The following ATF7IP2 variants were observed in gnomAD, a reference collection of about 807,000 sequenced individuals.
The protein encoded by ATF7IP2 is activating transcription factor 7 interacting protein 2.
Under a neutral mutation model 64.2 loss-of-function variants are expected in ATF7IP2, and 42 were observed. The observed-to-expected ratio is 0.65, with a 90% CI of 0.51 to 0.85. The LOEUF (loss-of-function observed/expected upper bound fraction) is 0.85. ATF7IP2 is among the 40% of genes least tolerant of loss of function. ATF7IP2 has a pLI of 0.00. For synonymous variants in ATF7IP2, 308 were observed against 272.8 expected, an observed-to-expected ratio of 1.13 and a Z score of -1.27; for missense variants, 933 against 784.2, an observed-to-expected ratio of 1.19 and a Z score of -2.27.
intron 1 of ATF7IP2, chr16:10,387,620 AC>A (rs1464791373): frequency 2.6e-5 from 4 of 152,164 alleles, no homozygotes; most frequent in African/African-American, 9.7e-5. Context: ...TGATCCCTGC[AC>A]CTTTGCTTCT....
chr16:10,416,316 G>A (rs1363466692), intron 2 of ATF7IP2, among the ~76,000 whole-genome samples: 1 of 152,188 alleles, frequency 6.6e-6, no homozygotes, highest in African/African-American at 2.4e-5. Context: ...GATGGCTCTA[G>A]AGGTCATTAT....
chr16:10,474,955 G>C (rs983721553), intron 12 of ATF7IP2, among the ~76,000 whole-genome samples: 1 of 152,218 alleles, frequency 6.6e-6, no homozygotes, highest in Non-Finnish European at 1.5e-5. Flanking sequence ...GTCAGGGCAG[G>C]AGGATGGCTT....
At chr16:10,459,571 C>T (rs558800996) in intron 9 of ATF7IP2, among the ~76,000 whole-genome samples, 16 of 151,904 alleles carry the variant, frequency 1.1e-4, no homozygotes, top group South Asian at 1.0e-3. Context: ...TGCTTGAACC[C>T]GGGAGGCAGA....
intron 8 of ATF7IP2, among the ~76,000 whole-genome samples, chr16:10,453,072 C>T (rs2049041601): frequency 6.6e-6 from 1 of 152,186 alleles, no homozygotes; most frequent in African/African-American, 2.4e-5. Flanking sequence ...TGGCTTCAGC[C>T]CCCTTTGCAG....
intron 3 of ATF7IP2, among the ~76,000 whole-genome samples, chr16:10,427,029 T>A (rs933103294): frequency 6.6e-6 from 1 of 152,014 alleles, no homozygotes; most frequent in African/African-American, 2.4e-5. Flanking sequence ...ATTTTTGTAG[T>A]TTTTAGTACA....
chr16:10,480,938 A>G lies in ATF7IP2; in HGVS notation c.1609A>G (p.Thr537Ala), dbSNP rs765871356. The G allele has an allele frequency of 9.3e-6, 15 of 1,611,934 alleles. No homozygotes were observed. The highest frequency in any genetic ancestry group is 1.2e-5 in the Non-Finnish European group (14 of 1,178,280). ...SKAASNSKET[T>A]PLAQNAVQVP... The stretch of plus-strand genomic sequence containing the variant: ...AGCTGCTTCAAACTCAAAGGAAACA[A>G]CCCCATTGGCACAAAATGCAGTCCA... Residue 537 changes from threonine to alanine, a missense_variant, in exon 13 of 14, where the codon ACC (threonine) becomes GCC (alanine). Physicochemically the swap from Thr to Ala is moderately conservative, Grantham distance 58 (BLOSUM62 0). Coordinates refer to ENST00000562102, the MANE Select transcript of ATF7IP2 (RefSeq NM_001393719.1).
intron 1 of ATF7IP2, among the ~76,000 whole-genome samples, chr16:10,389,549 C>A (rs927572154): frequency 6.6e-6 from 1 of 151,556 alleles, no homozygotes; most frequent in African/African-American, 2.4e-5. Flanking sequence ...AACCCACCTC[C>A]AAAAAAAATA....
chr16:10,387,051 A>C (rs1193741887), intron 1 of ATF7IP2: 1 of 152,220 alleles, frequency 6.6e-6, no homozygotes, highest in Admixed American at 6.5e-5. Flanking sequence ...TGAATAGTCC[A>C]CATTAGAAAA....
chr16:10,465,525 G>A (rs2049535807), intron 9 of ATF7IP2, among the ~76,000 whole-genome samples: 1 of 151,528 alleles, frequency 6.6e-6, no homozygotes, highest in South Asian at 2.1e-4. Flanking sequence ...GGCTCCTGAG[G>A]TCAGGAATTT....
intron 5 of ATF7IP2, 90 bp downstream of exon 5, chr16:10,431,545 A>G: frequency 1.2e-6 from 1 of 839,794 alleles, no homozygotes; most frequent in East Asian, 2.6e-5. Flanking sequence ...AAACCAGTAT[A>G]GACAGAAAAA....
At chr16:10,454,905 C>G (rs2049116890) in intron 8 of ATF7IP2, among the ~76,000 whole-genome samples, 1 of 151,738 alleles carries the variant, frequency 6.6e-6, no homozygotes, top group Non-Finnish European at 1.5e-5. Context: ...TTTATAATAC[C>G]TGATTTCATT....
chr16:10,449,974 C>G (rs1441768535), intron 8 of ATF7IP2, among the ~76,000 whole-genome samples: 1 of 152,182 alleles, frequency 6.6e-6, no homozygotes, highest in Non-Finnish European at 1.5e-5. Flanking sequence ...AAATTTCCCT[C>G]TAAACACTGT....
At chr16:10,389,356 A>G (rs535082382) in intron 1 of ATF7IP2, among the ~76,000 whole-genome samples, 1 of 152,344 alleles carries the variant, frequency 6.6e-6, no homozygotes, top group South Asian at 2.1e-4. Flanking sequence ...GGATCTACGA[A>G]TGACAGGAGG....
chr16:10,465,086 T>A (rs1482109644), intron 9 of ATF7IP2, among the ~76,000 whole-genome samples: 1 of 152,172 alleles, frequency 6.6e-6, no homozygotes, highest in African/African-American at 2.4e-5. Flanking sequence ...TGCCTCAGCC[T>A]CCCAAAGTGG....
intron 12 of ATF7IP2, among the ~76,000 whole-genome samples, chr16:10,474,749 G>A (rs2049941163): frequency 6.6e-6 from 1 of 152,176 alleles, no homozygotes; most frequent in Admixed American, 6.5e-5. Flanking sequence ...TCAAGTTCCT[G>A]AAATCCAGTG....
intron 8 of ATF7IP2, chr16:10,449,207 G>C (rs1596545042): frequency 6.6e-6 from 1 of 152,196 alleles, no homozygotes; most frequent in African/African-American, 2.4e-5. Flanking sequence ...GCTGGTTTCA[G>C]TTTGCCAGTA....
At chr16:10,386,232 G>A (rs1045585249) in intron 1 of ATF7IP2, 110 bp downstream of exon 1, 1 of 152,204 alleles carries the variant, frequency 6.6e-6, no homozygotes. Context: ...TCGGAGCGCC[G>A]GGCCTACCGG....
chr16:10,478,510 G>A lies in ATF7IP2; in HGVS notation c.1550-2369G>A, dbSNP rs188088231. ...CCTTATACAAAAATTTATTCAAGAT[G>A]GATTAAAGACTTAAACGTTAGACCT... On this transcript the variant is annotated intron_variant, in intron 12 of 13. Transcript: ENST00000562102. Among the ~76,000 whole-genome samples, 8 of 152,224 alleles carry A rather than the reference G, an allele frequency of 5.3e-5. No individual in the cohort carries two copies. In the East Asian group the frequency reaches 1.5e-3, roughly 29 times the overall value.
intron 7 of ATF7IP2, among the ~76,000 whole-genome samples, chr16:10,439,314 C>G (rs2141919219): frequency 6.6e-6 from 1 of 151,926 alleles, no homozygotes; most frequent in South Asian, 2.1e-4. Context: ...ACTGCAAGCT[C>G]TGCCTCAGGG....
Sources: allele counts gnomAD v4.1 joint callset (sites outside exome capture counted in the v4.1 genomes callset), GRCh38; gene constraint gnomAD v4.1.1; transcripts MANE v1.5; gene names NCBI Gene and HGNC (gene_info 2026-07-23, HGNC 2026-07-21).